WNK1: variants seen among roughly 807,000 people sequenced by gnomAD.
The protein encoded by WNK1 is serine/threonine-protein kinase WNK1.
In WNK1, 38 loss-of-function variants were observed where a neutral mutation model predicts 222.8. That is an observed-to-expected ratio of 0.17 (90% CI 0.13 to 0.22). The LOEUF (loss-of-function observed/expected upper bound fraction) is 0.22, where lower values mean the gene tolerates loss of function less well. Ranked by LOEUF, WNK1 falls within the 10% of genes least tolerant of loss-of-function variation. The pLI is 1.00. For synonymous variants in WNK1, 1,090 were observed against 1,092.9 expected, an observed-to-expected ratio of 1.00 and a Z score of 0.05; for missense variants, 2,348 against 2,918.4, an observed-to-expected ratio of 0.80 and a Z score of 4.50.
chr12:880,826 A>G lies in WNK1; in HGVS notation c.2938A>G (p.Met980Val). The G allele has an allele frequency of 6.2e-7, 1 of 1,613,912 alleles. No individual in the cohort carries two copies. The highest frequency in any genetic ancestry group is 1.7e-5 in the Admixed American group (1 of 59,968). The part of the protein sequence containing the change: ...CIHSTVLSPP[M>V]PTEVLATPGY... ...CCATTCTACAGTCCTATCCCCTCCC[A>G]TGCCGACAGAAGTACTGGCTACACC... The change falls in exon 12 of 28, where the codon ATG becomes GTG. Residue 980 changes from methionine to valine, a missense_variant. This residue lies in a region of WNK1 where 547 missense variants were observed against 558.3 expected (regional missense o/e 0.98). Transcript: ENST00000315939.
chr12:861,309 A>G lies in WNK1; in HGVS notation c.1917A>G (p.Gln639=), dbSNP rs1206251907. ...AACCTGAGGCAGATCAACATCAACAACTACAGTACCAGCAACCCAGTATAT... is the reference window on the plus strand; with the variant it reads ...AACCTGAGGCAGATCAACATCAACAGCTACAGTACCAGCAACCCAGTATAT... ...PEEPEADQHQ[Q]LQYQQPSISV... Residue 639 remains glutamine (Q), a synonymous_variant, in exon 7 of 28, where the codon CAA becomes CAG. Transcript: ENST00000315939. 6.2e-7 allele frequency: 1 copy of G among 1,614,132 alleles called. No individual in the cohort carries two copies. Among genetic ancestry groups the G allele is most frequent in the South Asian group, 1.1e-5 (1 of 91,082 alleles).
intron 21 of WNK1, among the ~76,000 whole-genome samples, chr12:889,734 C>T (rs895445647): frequency 3.3e-5 from 5 of 152,030 alleles, no homozygotes; most frequent in African/African-American, 9.7e-5. Context: ...AGGACAATGG[C>T]GTAAAACCCA....
chr12:830,558 CTTGAG>C (rs1403633722), intron 4 of WNK1, among the ~76,000 whole-genome samples: 15 of 152,276 alleles, frequency 9.9e-5, no homozygotes, highest in Admixed American at 9.1e-4. Flanking sequence ...CTCTGAATGA[CTTGAG>C]TTGATTTATT....
intron 16 of WNK1, 21 bp downstream of exon 16, chr12:883,589 G>A (rs747933489): frequency 9.3e-6 from 15 of 1,613,970 alleles, no homozygotes; most frequent in East Asian, 4.5e-5. Flanking sequence ...CACTCCCATA[G>A]TGAAACTTTG....
At chr12:843,027 C>T (rs1949748640) in intron 4 of WNK1, among the ~76,000 whole-genome samples, 1 of 152,166 alleles carries the variant, frequency 6.6e-6, no homozygotes, top group South Asian at 2.1e-4. Context: ...CCTCTGCCTC[C>T]TGGATTCAAG....
At chr12:807,298 T>G (rs1468786085) in intron 1 of WNK1, among the ~76,000 whole-genome samples, 5 of 151,564 alleles carry the variant, frequency 3.3e-5, no homozygotes, top group Non-Finnish European at 5.9e-5. Context: ...TCTCTGTTTT[T>G]TTTTTTTTTT....
intron 1 of WNK1, among the ~76,000 whole-genome samples, chr12:788,902 AGGTAAGTGAGCAAACATCTGTTT>A (rs1323556151): frequency 1.5e-4 from 23 of 151,892 alleles, no homozygotes; most frequent in African/African-American, 4.6e-4. Flanking sequence ...GGAAAAAGAA[AGGTAAGTGAGCAAACATCTGTTT>A]GGTGCCAGTA....
At chr12:859,898 T>C (rs1592053634) in intron 6 of WNK1, among the ~76,000 whole-genome samples, 1 of 152,036 alleles carries the variant, frequency 6.6e-6, no homozygotes, top group East Asian at 1.9e-4. Context: ...GTATTTTTAG[T>C]ATAGACAGGG....
intron 12 of WNK1, 26 bp downstream of exon 12, chr12:881,025 A>T (rs766597694): frequency 1.9e-6 from 3 of 1,613,730 alleles, no homozygotes; most frequent in African/African-American, 1.3e-5. Context: ...GCATGTTTAT[A>T]TGTAAAACGT....
At chr12:836,046 G>T (rs1248225981) in intron 4 of WNK1, among the ~76,000 whole-genome samples, 5 of 152,070 alleles carry the variant, frequency 3.3e-5, no homozygotes, top group African/African-American at 1.2e-4. Flanking sequence ...TAGGTTTATT[G>T]TTACAGCACA....
At chr12:881,356 A>G in intron 12 of WNK1, 1 of 446,638 alleles carries the variant, frequency 2.2e-6, no homozygotes, top group South Asian at 2.1e-5. Context: ...CCCTGCTAGG[A>G]GAAGATCTGA....
chr12:771,963 G>A (rs1467885692), intron 1 of WNK1, among the ~76,000 whole-genome samples: 1 of 151,782 alleles, frequency 6.6e-6, no homozygotes, highest in African/African-American at 2.4e-5. Flanking sequence ...GACTGCAGAA[G>A]CTTACTTTTT....
rs1332749968 is a variant in WNK1, at chr12:897,609, C to T, written c.6376C>T (p.Arg2126Ter). ...PAAPLSGRRR[R>*]PTKSKGSKSS... ...TGCTCCCCTTTCAGGGAGAAGACGACGACCCACTAAAAGCAAAGGCAGCAA... is the reference window on the plus strand; with the variant it reads ...TGCTCCCCTTTCAGGGAGAAGACGATGACCCACTAAAAGCAAAGGCAGCAA... Residue 2126 changes from arginine to a stop codon, truncating the protein, a stop_gained, in exon 25 of 28, where the codon CGA (arginine) becomes TGA (stop). Transcript: ENST00000315939. LOFTEE classifies it high-confidence loss of function. 1.2e-6 allele frequency: 2 copies of T among 1,614,042 alleles called. No individual in the cohort carries two copies. Among genetic ancestry groups the T allele is most frequent in the Non-Finnish European group, 1.7e-6 (2 of 1,180,030 alleles).
At position 896,257 on chromosome 12, in the gene WNK1, A is replaced by T; in HGVS notation, c.5770A>T (p.Ser1924Cys). The T allele has an allele frequency of 6.2e-7, 1 of 1,614,220 alleles. No individual in the cohort carries two copies. The highest frequency in any genetic ancestry group is 8.5e-7 in the Non-Finnish European group (1 of 1,180,036). Residue 1924 changes from serine to cysteine, a missense_variant, in exon 24 of 28, where the codon AGT (serine) becomes TGT (cysteine). Coordinates refer to ENST00000315939, the MANE Select transcript of WNK1 (RefSeq NM_018979.4). ...IPGISSDVPE[S>C]AHKTTASEAK... ...TGGTATCTCTTCAGATGTGCCAGAG[A>T]GTGCCCACAAAACTACTGCCTCAGA...
rs1386308181 is a variant in WNK1, at chr12:910,388, G to T, written c.*1596G>T. The T allele has an allele frequency of 6.6e-6, 1 of 152,020 alleles. No individual in the cohort carries two copies. The highest frequency in any genetic ancestry group is 2.4e-5 in the African/African-American group (1 of 41,388). 9.4% of individuals were successfully genotyped at this position (152,020 alleles called of 1,614,324 possible). Reference sequence around the variant, plus strand: ...AATGGTTGCAGGATCATAATCTATTGTGCCACCTTTATTTCTAGAAGTACA... The same window carrying T: ...AATGGTTGCAGGATCATAATCTATTTTGCCACCTTTATTTCTAGAAGTACA... On this transcript the variant is annotated 3_prime_UTR_variant, in exon 28 of 28. Transcript: ENST00000315939.
rs1352200471 is a variant in WNK1, at chr12:879,696, A to G, written c.2497A>G (p.Thr833Ala). Residue 833 changes from threonine to alanine, a missense_variant, in exon 11 of 28, where the codon ACT becomes GCT. Physicochemically the swap from Thr to Ala is moderately conservative, Grantham distance 58 (BLOSUM62 0). Around this residue, in one of 13 missense-constraint regions of WNK1, gnomAD observed 547 missense variants for 558.3 expected, o/e 0.98. Coordinates refer to ENST00000315939, the MANE Select transcript of WNK1 (RefSeq NM_018979.4). Reference sequence around the variant, plus strand: ...CCTTCCAGTGGGACAGCCGCTCCCTACTCCCTTGCTCCCTCAGTACCCTGT... The same window carrying G: ...CCTTCCAGTGGGACAGCCGCTCCCTGCTCCCTTGCTCCCTCAGTACCCTGT... ...HFLPVGQPLP[T>A]PLLPQYPVSQ... 6.2e-7 allele frequency: 1 copy of G among 1,609,802 alleles called. No homozygotes were observed. The highest frequency in any genetic ancestry group is 1.1e-5 in the South Asian group (1 of 90,928).
chr12:797,783 C>G (rs916362597), intron 1 of WNK1, among the ~76,000 whole-genome samples: 1 of 151,750 alleles, frequency 6.6e-6, no homozygotes, highest in South Asian at 2.1e-4. Context: ...CCCATCTTTA[C>G]TGAAAATACA....
rs926872530 is a variant in WNK1 at position 808,567 on chromosome 12, T to G, written c.760-5075T>G. 2.8e-4 allele frequency among the ~76,000 whole-genome samples: 42 copies of G among 152,238 alleles called. 1 individual carries two copies. Among genetic ancestry groups the G allele is most frequent in the African/African-American group, 9.6e-4 (40 of 41,548 alleles). On this transcript the variant is annotated intron_variant, in intron 1 of 27. Transcript: ENST00000315939. ...CTACTTTTAGCATTAACCTAAAGCT[T>G]CCTGTATATGCCAAGTCCCAGGTAT...
intron 4 of WNK1, among the ~76,000 whole-genome samples, chr12:849,030 A>T (rs995517483): frequency 2.0e-5 from 3 of 152,106 alleles, no homozygotes; most frequent in Non-Finnish European, 2.9e-5. Context: ...TCTTTCATTT[A>T]GCCAAGCATG....
Sources: gnomAD v4.1 joint callset for allele counts (sites outside exome capture counted in the v4.1 genomes callset) on GRCh38, gnomAD v4.1.1 for gene constraint, gnomAD v4.1.1 regional missense constraint, MANE v1.5 for transcripts, NCBI Gene and HGNC (gene_info 2026-07-23, HGNC 2026-07-21) for gene names.